NSG2: variants seen among roughly 807,000 people sequenced by gnomAD.
NSG2 encodes neuronal vesicle trafficking associated 2.
NSG2 carries 4 observed loss-of-function variants against 16.9 expected under a neutral mutation model. That is an observed-to-expected ratio of 0.24 (90% CI 0.12 to 0.54). NSG2 has a LOEUF of 0.54. Among genes scored for constraint, NSG2 ranks in the 20% least tolerant of loss-of-function variants. The pLI is 0.95. For missense variants in NSG2, 179 were observed against 221.1 expected, an observed-to-expected ratio of 0.81 and a Z score of 1.21; for synonymous variants, 98 against 88.7, an observed-to-expected ratio of 1.11 and a Z score of -0.59.
rs183066033 is a variant in NSG2 at position 174,047,916 on chromosome 5, G to T, written c.129+1032G>T. Among the ~76,000 whole-genome samples the T allele has an allele frequency of 2.2e-3, 329 of 152,322 alleles. 1 individual carries two copies. The highest frequency in any genetic ancestry group is 7.6e-3 in the African/African-American group (318 of 41,578). On this transcript the variant is annotated intron_variant, in intron 2 of 4. Coordinates refer to ENST00000303177, the MANE Select transcript of NSG2 (RefSeq NM_015980.5). ...GAACAATGGATCATTCCATCTGTTT[G>T]ATTTCCCATTGGCATCTGCAGGAGG...
chr5:174,085,298 C>T (rs1160360309), intron 3 of NSG2, among the ~76,000 whole-genome samples: 4 of 152,204 alleles, frequency 2.6e-5, no homozygotes, highest in Admixed American at 6.5e-5. Flanking sequence ...GACTGAGGCT[C>T]AGAGAGGTGG....
At chr5:174,096,337 G>A (rs1250523879) in intron 3 of NSG2, among the ~76,000 whole-genome samples, 1 of 152,160 alleles carries the variant, frequency 6.6e-6, no homozygotes, top group Non-Finnish European at 1.5e-5. Flanking sequence ...TGGGGAGGAG[G>A]AGATAGTTGA....
At position 174,049,647 on chromosome 5, in the gene NSG2, C is replaced by G. The variant is rs145087025; in HGVS notation, c.129+2763C>G. The stretch of plus-strand genomic sequence containing the variant: ...AGCCCAGGCAGTGCTGTTCCAGAAC[C>G]TTCTACCTCAGCAGGAATGAGGAGT... On this transcript the variant is annotated intron_variant, in intron 2 of 4. Transcript: ENST00000303177. Among the ~76,000 whole-genome samples, 40 of 152,244 alleles carry G rather than the reference C, an allele frequency of 2.6e-4. No homozygotes were observed. The East Asian group carries it at 7.8e-3, about 30-fold the overall frequency.
At chr5:174,060,361 G>A (rs1324646471) in intron 2 of NSG2, among the ~76,000 whole-genome samples, 1 of 151,664 alleles carries the variant, frequency 6.6e-6, no homozygotes, top group Non-Finnish European at 1.5e-5. Context: ...TAAGAAGCAA[G>A]TACTTCTTAA....
intron 3 of NSG2, among the ~76,000 whole-genome samples, chr5:174,096,814 G>A (rs971185543): frequency 2.0e-5 from 3 of 152,186 alleles, no homozygotes; most frequent in African/African-American, 7.2e-5. Context: ...GTGGAGGCAG[G>A]GGTCGCTGCA....
At chr5:174,077,498 A>G (rs1760366184) in intron 3 of NSG2, among the ~76,000 whole-genome samples, 1 of 152,166 alleles carries the variant, frequency 6.6e-6, no homozygotes, top group Non-Finnish European at 1.5e-5. Flanking sequence ...AATTCTCGAC[A>G]CACTGGACCC....
At chr5:174,102,352 G>A (rs148563239) in intron 3 of NSG2, among the ~76,000 whole-genome samples, 3 of 152,252 alleles carry the variant, frequency 2.0e-5, no homozygotes, top group East Asian at 3.9e-4. Context: ...GAGATGGCAT[G>A]GGCACTCCCA....
intron 3 of NSG2, among the ~76,000 whole-genome samples, chr5:174,085,212 C>T (rs1430683509): frequency 6.6e-6 from 1 of 152,138 alleles, no homozygotes; most frequent in East Asian, 1.9e-4. Context: ...AGCTTTACAT[C>T]CAGCATCTTT....
intron 2 of NSG2, among the ~76,000 whole-genome samples, chr5:174,063,625 G>A (rs540920181): frequency 1.3e-5 from 2 of 148,160 alleles, no homozygotes; most frequent in South Asian, 4.4e-4. Context: ...TATATTTTTG[G>A]GGTACAGGAG....
intron 4 of NSG2, among the ~76,000 whole-genome samples, chr5:174,104,548 C>T (rs892890643): frequency 1.3e-5 from 2 of 152,206 alleles, no homozygotes; most frequent in East Asian, 1.9e-4. Context: ...AGATGGTGCT[C>T]TCCAGGGTCA....
At position 174,078,295 on chromosome 5, in the gene NSG2, G is replaced by GAC. The variant is rs142260815; in HGVS notation, c.213+13995_213+13996dup. Among the ~76,000 whole-genome samples, 54 of 149,840 alleles carry GAC rather than the reference G, an allele frequency of 3.6e-4. 1 individual carries two copies. Among genetic ancestry groups the GAC allele is most frequent in the Admixed American group, 1.3e-3 (19 of 15,058 alleles). Reference sequence around the variant, plus strand: ...CACACACCACACACACACACACACAGACACACACACACACACTTAAACTTG... The same window carrying GAC: ...CACACACCACACACACACACACACAGACACACACACACACACACTTAAACTTG... On this transcript the variant is annotated intron_variant, in intron 3 of 4. Transcript: ENST00000303177.
chr5:174,080,527 C>CCCTCTTTCTT (rs1206641216), intron 3 of NSG2, among the ~76,000 whole-genome samples: 64 of 84,932 alleles, frequency 7.5e-4, no homozygotes, highest in African/African-American at 3.2e-3. Context: ...TTCTTTCTTT[C>CCCTCTTTCTT]TCTCTCTCTC....
intron 3 of NSG2, among the ~76,000 whole-genome samples, chr5:174,073,331 T>A (rs2113445906): frequency 6.6e-6 from 1 of 152,348 alleles, no homozygotes; most frequent in East Asian, 1.9e-4. Flanking sequence ...CTTTATTATC[T>A]GTTGTCTTGG....
chr5:174,055,286 A>G (rs1261252368), intron 2 of NSG2, among the ~76,000 whole-genome samples: 5 of 152,172 alleles, frequency 3.3e-5, no homozygotes, highest in Admixed American at 3.3e-4. Flanking sequence ...GCCCCATGCT[A>G]TGCATTGCCA....
chr5:174,054,587 C>T (rs971927059), intron 2 of NSG2, among the ~76,000 whole-genome samples: 1 of 152,188 alleles, frequency 6.6e-6, no homozygotes, highest in East Asian at 1.9e-4. Flanking sequence ...CCTTGTTGCC[C>T]AGGCTAGTCT....
intron 3 of NSG2, among the ~76,000 whole-genome samples, chr5:174,103,888 C>G (rs1382868073): frequency 2.0e-5 from 3 of 152,198 alleles, no homozygotes; most frequent in African/African-American, 7.2e-5. Context: ...GCACTTGAAC[C>G]TGGGAGGTGA....
At chr5:174,053,848 TG>T (rs1759928707) in intron 2 of NSG2, among the ~76,000 whole-genome samples, 1 of 152,244 alleles carries the variant, frequency 6.6e-6, no homozygotes, top group Non-Finnish European at 1.5e-5. Context: ...TTGCTCTTGT[TG>T]GTTATGTAAT....
At chr5:174,095,496 G>A (rs918625110) in intron 3 of NSG2, among the ~76,000 whole-genome samples, 1 of 152,148 alleles carries the variant, frequency 6.6e-6, no homozygotes, top group Non-Finnish European at 1.5e-5. Flanking sequence ...TTTTCATGTG[G>A]CTTCTCTTCT....
At chr5:174,052,233 G>A (rs1298172179) in intron 2 of NSG2, among the ~76,000 whole-genome samples, 3 of 152,178 alleles carry the variant, frequency 2.0e-5, no homozygotes, top group African/African-American at 4.8e-5. Context: ...GAAAGGAATG[G>A]GAGGTCTGAC....
Sources: allele counts gnomAD v4.1 joint callset (sites outside exome capture counted in the v4.1 genomes callset), GRCh38; gene constraint gnomAD v4.1.1; transcripts MANE v1.5; gene names NCBI Gene and HGNC (gene_info 2026-07-23, HGNC 2026-07-21).